The following MALRD1 variants were observed in gnomAD, a reference collection of about 807,000 sequenced individuals.
MALRD1 encodes the protein MAM and LDL receptor class A domain containing 1.
In MALRD1, 247 loss-of-function variants were observed where a neutral mutation model predicts 242.1. The ratio of observed to expected loss-of-function variants is 1.02; its 90% CI spans 0.92 to 1.13. The LOEUF (loss-of-function observed/expected upper bound fraction) is 1.13, where lower values mean the gene tolerates loss of function less well. Ranked by LOEUF, MALRD1 falls within the 50% of genes most tolerant of loss-of-function variation. The pLI, the probability that MALRD1 is intolerant of heterozygous loss-of-function variation, is 0.00. For synonymous variants in MALRD1, 995 were observed against 866.6 expected (o/e 1.15, Z -2.60); for missense variants, 2,989 against 2,533.1 (o/e 1.18, Z -3.86).
chr10:19,428,573 T>C (rs764621897), intron 28 of MALRD1, among the ~76,000 whole-genome samples: 2 of 152,106 alleles, frequency 1.3e-5, no homozygotes, highest in Non-Finnish European at 2.9e-5. Context: ...CCAGATGCTC[T>C]CCAAAATCCT....
chr10:19,461,727 C>G (rs981158841), intron 29 of MALRD1, among the ~76,000 whole-genome samples: 1 of 151,894 alleles, frequency 6.6e-6, no homozygotes, highest in Non-Finnish European at 1.5e-5. Flanking sequence ...ACCTGTGGTC[C>G]CAGCTACTTA....
At chr10:19,297,400 T>C (rs1841756153) in intron 21 of MALRD1, among the ~76,000 whole-genome samples, 1 of 151,786 alleles carries the variant, frequency 6.6e-6, no homozygotes, top group South Asian at 2.1e-4. Context: ...TGGGTTTTCT[T>C]TAGGTAACTA....
chr10:19,586,920 A>G (rs1205925904), intron 33 of MALRD1, among the ~76,000 whole-genome samples: 1 of 152,184 alleles, frequency 6.6e-6, no homozygotes, highest in Non-Finnish European at 1.5e-5. Context: ...GTGGGATATA[A>G]TCTCCTGGTG....
At chr10:19,556,520 T>C (rs1214813707) in intron 32 of MALRD1, among the ~76,000 whole-genome samples, 1 of 152,148 alleles carries the variant, frequency 6.6e-6, no homozygotes, top group Non-Finnish European at 1.5e-5. Flanking sequence ...ATACAGTAAC[T>C]ACGCTTTTCA....
At chr10:19,047,808 C>T (rs1341187982), upstream of MALRD1, among the ~76,000 whole-genome samples, 1 of 152,062 alleles carries the variant, frequency 6.6e-6, no homozygotes, top group East Asian at 1.9e-4. Flanking sequence ...ATTCTTAGAA[C>T]ATTTAAAAAA....
intron 36 of MALRD1, among the ~76,000 whole-genome samples, chr10:19,617,437 A>G (rs563919814): frequency 2.1e-4 from 32 of 152,200 alleles, no homozygotes; most frequent in South Asian, 4.1e-4. Flanking sequence ...ATGAACATCA[A>G]TGCAAACAAA....
chr10:19,252,997 G>A (rs556043040), intron 18 of MALRD1, among the ~76,000 whole-genome samples: 12 of 152,052 alleles, frequency 7.9e-5, no homozygotes, highest in African/African-American at 2.9e-4. Flanking sequence ...AAGCTCCCAA[G>A]AATTGTAGGT....
intron 19 of MALRD1, among the ~76,000 whole-genome samples, chr10:19,259,454 A>G (rs1047433260): frequency 6.6e-6 from 1 of 152,164 alleles, no homozygotes; most frequent in East Asian, 1.9e-4. Flanking sequence ...GCAGAAGGTG[A>G]AGGAGGAGCA....
intron 24 of MALRD1, among the ~76,000 whole-genome samples, chr10:19,341,524 G>GTATATA (rs750457234): frequency 7.2e-6 from 1 of 138,856 alleles, no homozygotes; most frequent in African/African-American, 2.7e-5. Context: ...GTGTATATAT[G>GTATATA]TATATATATA....
At chr10:19,101,973 TTA>T (rs1836278041) in intron 4 of MALRD1, among the ~76,000 whole-genome samples, 1 of 105,874 alleles carries the variant, frequency 9.4e-6, no homozygotes, top group South Asian at 3.0e-4. Flanking sequence ...ATATGTTAAT[TTA>T]TATATGTTAT....
At chr10:19,609,377 A>G (rs1054562146) in intron 35 of MALRD1, among the ~76,000 whole-genome samples, 2 of 152,088 alleles carry the variant, frequency 1.3e-5, no homozygotes, top group African/African-American at 4.8e-5. Flanking sequence ...TGGCTTGTCA[A>G]TCAAATATAT....
intron 21 of MALRD1, among the ~76,000 whole-genome samples, chr10:19,284,390 A>AT (rs1840995297): frequency 7.5e-6 from 1 of 133,010 alleles, no homozygotes; most frequent in Admixed American, 7.4e-5. Flanking sequence ...TCCCAATGCT[A>AT]TCCCTCCCCC....
intron 1 of MALRD1, among the ~76,000 whole-genome samples, chr10:19,059,267 A>G (rs936557901): frequency 3.3e-5 from 5 of 152,168 alleles, no homozygotes; most frequent in Non-Finnish European, 5.9e-5. Flanking sequence ...AAAATATAGT[A>G]TGGCACTGCA....
intron 25 of MALRD1, among the ~76,000 whole-genome samples, chr10:19,350,096 A>G (rs942052329): frequency 2.0e-5 from 3 of 151,972 alleles, no homozygotes; most frequent in Non-Finnish European, 4.4e-5. Context: ...TCATCGGGTA[A>G]GCAGATTGAC....
chr10:19,675,016 A>G (rs1402567215), intron 36 of MALRD1, among the ~76,000 whole-genome samples: 1 of 152,080 alleles, frequency 6.6e-6, no homozygotes, highest in Non-Finnish European at 1.5e-5. Flanking sequence ...CATGCCATCA[A>G]CCTGTTTGAA....
chr10:19,486,112 T>C (rs1362881942), intron 29 of MALRD1, among the ~76,000 whole-genome samples: 1 of 152,214 alleles, frequency 6.6e-6, no homozygotes, highest in Admixed American at 6.5e-5. Context: ...GATTGTTTTT[T>C]TCTACATTAT....
chr10:19,292,782 A>C (rs914096554), intron 21 of MALRD1, among the ~76,000 whole-genome samples: 2 of 150,268 alleles, frequency 1.3e-5, no homozygotes, highest in Non-Finnish European at 2.9e-5. Flanking sequence ...AGTCCCAGCT[A>C]CTCGGGAGGC....
intron 26 of MALRD1, among the ~76,000 whole-genome samples, chr10:19,357,042 G>T (rs544197869): frequency 6.6e-6 from 1 of 151,730 alleles, no homozygotes; most frequent in East Asian, 1.9e-4. Flanking sequence ...CCTGGGAGGC[G>T]GAGGTTGCAG....
chr10:19,726,021 A>G (rs1027749662), intron 38 of MALRD1, among the ~76,000 whole-genome samples: 8 of 152,214 alleles, frequency 5.3e-5, no homozygotes, highest in African/African-American at 2.4e-5. Flanking sequence ...GTAAATCTTC[A>G]TGATCTTGGA....
Sources: allele counts gnomAD v4.1 joint callset (sites outside exome capture counted in the v4.1 genomes callset), GRCh38; gene constraint gnomAD v4.1.1; transcripts MANE v1.5; gene names NCBI Gene and HGNC (gene_info 2026-07-23, HGNC 2026-07-21).